The following NFAT5 variants were observed in gnomAD, a reference collection of about 807,000 sequenced individuals.
NFAT5 encodes the protein nuclear factor of activated T-cells 5.
A neutral mutation model predicts 166.5 loss-of-function variants in NFAT5; 31 were observed. The ratio of observed to expected loss-of-function variants is 0.19; its 90% CI spans 0.14 to 0.25. The LOEUF is 0.25. NFAT5 is among the 10% of genes least tolerant of loss of function. NFAT5 has a pLI of 1.00. For synonymous variants in NFAT5, 612 were observed against 639.7 expected (o/e 0.96, Z 0.65); for missense variants, 1,449 against 1,821.8 (o/e 0.80, Z 3.72).
intron 3 of NFAT5, among the ~76,000 whole-genome samples, chr16:69,634,818 T>C (rs928412727): frequency 6.6e-6 from 1 of 152,198 alleles, no homozygotes; most frequent in Non-Finnish European, 1.5e-5. Context: ...TATCATATCA[T>C]ATCTCCTATA....
intron 1 of NFAT5, 113 bp from the exon 2 acceptor site, chr16:69,568,366 GTGTGTGTGTGTATATA>G (rs1423208021): frequency 5.2e-6 from 2 of 383,128 alleles, no homozygotes; most frequent in African/African-American, 2.8e-5. Context: ...GTGTGTGTGT[GTGTGTGTGTGTATATA>G]TATATATATA....
At chr16:69,673,959 T>A (rs2036728073) in intron 9 of NFAT5, among the ~76,000 whole-genome samples, 1 of 151,892 alleles carries the variant, frequency 6.6e-6, no homozygotes, top group African/African-American at 2.4e-5. Context: ...ATATTATAAA[T>A]ATTGCCAGGC....
intron 2 of NFAT5, among the ~76,000 whole-genome samples, chr16:69,615,332 C>T (rs1393351097): frequency 2.0e-5 from 3 of 152,176 alleles, no homozygotes; most frequent in African/African-American, 7.2e-5. Flanking sequence ...TGAGCCACCG[C>T]ACCCAACCCA....
rs1041583918 is a variant in NFAT5 at position 69,589,142 on chromosome 16, G to A, written c.127+20594G>A. ...CCCGAGTAGCTGGGATTACAGGCAT[G>A]TGCCACCACGCCCGGCTAATTTTGT... On this transcript the variant is annotated intron_variant, in intron 2 of 14. Transcript: ENST00000349945. Among the ~76,000 whole-genome samples, 8 of 152,100 alleles carry A rather than the reference G, an allele frequency of 5.3e-5. No individual in the cohort carries two copies. In the South Asian group the frequency reaches 1.0e-3, roughly 20 times the overall value.
At chr16:69,687,890 G>A (rs2037374298) in intron 11 of NFAT5, among the ~76,000 whole-genome samples, 1 of 152,168 alleles carries the variant, frequency 6.6e-6, no homozygotes, top group African/African-American at 2.4e-5. Context: ...TGAGGTGGGA[G>A]GATCACTTAA....
chr16:69,591,198 C>T (rs2032440638), intron 2 of NFAT5, among the ~76,000 whole-genome samples: 1 of 152,154 alleles, frequency 6.6e-6, no homozygotes, highest in Non-Finnish European at 1.5e-5. Context: ...TCCCAAAGTG[C>T]TGGGATTACA....
chr16:69,602,494 C>G (rs999943099), intron 2 of NFAT5, among the ~76,000 whole-genome samples: 1 of 151,774 alleles, frequency 6.6e-6, no homozygotes, highest in African/African-American at 2.4e-5. Flanking sequence ...TCTTGAACTC[C>G]TGACCTCAGG....
intron 3 of NFAT5, among the ~76,000 whole-genome samples, chr16:69,634,881 G>A (rs988056481): frequency 1.6e-4 from 24 of 152,096 alleles, no homozygotes; most frequent in Admixed American, 1.4e-3. Context: ...TACCCTTGTA[G>A]TTAGACAATA....
chr16:69,615,943 T>C (rs1038193305), intron 2 of NFAT5, among the ~76,000 whole-genome samples: 1 of 152,128 alleles, frequency 6.6e-6, no homozygotes, highest in African/African-American at 2.4e-5. Context: ...TCCAGTCTAC[T>C]TGGTTTCTTA....
chr16:69,692,798 G>C lies in NFAT5; in HGVS notation c.2973G>C (p.Gln991His), dbSNP rs745506992. 5.6e-6 allele frequency: 9 copies of C among 1,614,050 alleles called. No individual in the cohort carries two copies. The South Asian group carries it at 9.9e-5, about 18-fold the overall frequency. Residue 991 changes from glutamine to histidine, a missense_variant, in exon 13 of 15, where the codon CAG (glutamine) becomes CAC (histidine). By Grantham distance (24) the Gln-to-His change is conservative (BLOSUM62 0). Transcript: ENST00000349945. Reference protein sequence around the residue: ...GNETSTTTTQQVATPGTTMFQ... With the variant: ...GNETSTTTTQHVATPGTTMFQ... The stretch of plus-strand genomic sequence containing the variant: ...AAACTTCTACAACTACCACACAGCA[G>C]GTTGCAACCCCTGGCACTACCATGT...
intron 2 of NFAT5, among the ~76,000 whole-genome samples, chr16:69,574,815 C>T (rs1016676323): frequency 1.3e-5 from 2 of 151,708 alleles, no homozygotes; most frequent in East Asian, 1.9e-4. Flanking sequence ...ATTACAGGCA[C>T]GCACCACCAT....
intron 2 of NFAT5, among the ~76,000 whole-genome samples, chr16:69,606,594 G>T (rs2033423790): frequency 6.6e-6 from 1 of 152,068 alleles, no homozygotes; most frequent in South Asian, 2.1e-4. Flanking sequence ...GTGGCTCACG[G>T]GTGTAATCCC....
At chr16:69,616,021 A>G (rs539900021) in intron 2 of NFAT5, among the ~76,000 whole-genome samples, 33 of 152,086 alleles carry the variant, frequency 2.2e-4, no homozygotes, top group Admixed American at 1.6e-3. Context: ...AGGATTTTGA[A>G]TCCTACCTAA....
chr16:69,665,032 A>C (rs2036308962), intron 7 of NFAT5, among the ~76,000 whole-genome samples: 1 of 152,222 alleles, frequency 6.6e-6, no homozygotes, highest in Admixed American at 6.5e-5. Context: ...CGTCTCAAAT[A>C]AATAGATAAA....
chr16:69,655,945 G>A, intron 6 of NFAT5, 146 bp downstream of exon 6: 1 of 625,410 alleles, frequency 1.6e-6, no homozygotes, highest in Non-Finnish European at 2.6e-6. Context: ...ACTTCAGAAT[G>A]GTAATGGGTT....
intron 2 of NFAT5, among the ~76,000 whole-genome samples, chr16:69,580,849 G>T (rs1351841819): frequency 2.0e-5 from 3 of 151,950 alleles, no homozygotes; most frequent in Non-Finnish European, 4.4e-5. Context: ...TAGAGACAGG[G>T]TTTCACCATG....
rs1416126924 is a variant in NFAT5 at position 69,693,785 on chromosome 16, G to A, written c.3960G>A (p.Glu1320=). Residue 1320 remains glutamate (E), a synonymous_variant, in exon 13 of 15, where the codon GAG becomes GAA. Transcript: ENST00000349945. ...ATCAAAATCCAATGGCTAATCAGGA[G>A]CAACAGAACCAGTCAATTTTTCACC... ...NPNQNPMANQ[E]QQNQSIFHQQ... is the part of the protein sequence containing the mutation. 1.9e-6 allele frequency: 3 copies of A among 1,614,082 alleles called. No homozygotes were observed. The highest frequency in any genetic ancestry group is 2.2e-5 in the East Asian group (1 of 44,902).
intron 11 of NFAT5, among the ~76,000 whole-genome samples, chr16:69,690,158 G>A (rs944534676): frequency 6.6e-6 from 1 of 152,158 alleles, no homozygotes; most frequent in African/African-American, 2.4e-5. Flanking sequence ...AAGGGGGAAA[G>A]GTAGATATAG....
At chr16:69,567,812 A>G (rs889404645) in intron 1 of NFAT5, among the ~76,000 whole-genome samples, 2 of 152,190 alleles carry the variant, frequency 1.3e-5, no homozygotes, top group South Asian at 2.1e-4. Context: ...ATATCAAGAG[A>G]TGATTCTTAG....
Sources: allele counts gnomAD v4.1 joint callset (sites outside exome capture counted in the v4.1 genomes callset), GRCh38; gene constraint gnomAD v4.1.1; transcripts MANE v1.5; gene names NCBI Gene and HGNC (gene_info 2026-07-23, HGNC 2026-07-21).